The following TNS1 variants were observed in gnomAD, a reference collection of about 807,000 sequenced individuals.
TNS1 encodes tensin 1.
Under a neutral mutation model 168.6 loss-of-function variants are expected in TNS1, and 62 were observed. The ratio of observed to expected loss-of-function variants is 0.37; its 90% CI spans 0.30 to 0.45. The LOEUF (loss-of-function observed/expected upper bound fraction) is 0.45, where lower values mean the gene tolerates loss of function less well. Among genes scored for constraint, TNS1 ranks in the 20% least tolerant of loss-of-function variants. The probability of loss-of-function intolerance (pLI) is 1.00; values close to 1 mark genes in which losing one functional copy is unlikely to be tolerated. For missense variants in TNS1, 2,240 were observed against 2,339.4 expected (o/e 0.96, Z 0.88); for synonymous variants, 934 against 933.2 (o/e 1.00, Z -0.02).
intron 23 of TNS1, 80 bp downstream of exon 23, chr2:217,821,660 G>C: frequency 7.5e-7 from 1 of 1,333,194 alleles, no homozygotes; most frequent in Non-Finnish European, 9.8e-7. Context: ...ATAGGCAACA[G>C]ATCCAGGAGG....
chr2:217,860,826 A>G (rs967292307), intron 18 of TNS1, among the ~76,000 whole-genome samples: 23 of 152,222 alleles, frequency 1.5e-4, no homozygotes, highest in African/African-American at 5.1e-4. Context: ...CAGTCTGACC[A>G]TACTTTGGAA....
chr2:218,027,509 G>A (rs1216550295), intron 1 of TNS1, among the ~76,000 whole-genome samples: 1 of 152,012 alleles, frequency 6.6e-6, no homozygotes, highest in Non-Finnish European at 1.5e-5. Context: ...TTAAGAACTT[G>A]TTCAAAGTGT....
At chr2:217,974,570 G>A (rs989486761) in intron 3 of TNS1, among the ~76,000 whole-genome samples, 3 of 152,130 alleles carry the variant, frequency 2.0e-5, no homozygotes, top group African/African-American at 7.2e-5. Context: ...ACTATGAGCC[G>A]GCACCGAGGC....
rs1019829820 is a variant in TNS1, at chr2:217,847,637, G to C, written c.2880C>G (p.Pro960=). The C allele has an allele frequency of 6.3e-6, 10 of 1,585,520 alleles. No individual in the cohort carries two copies. The African/African-American group carries it at 9.4e-5, about 15-fold the overall frequency. The change falls in exon 19 of 33, where the codon CCC becomes CCG. Residue 960 remains proline (P), a synonymous_variant. Coordinates refer to ENST00000682258, the MANE Select transcript of TNS1 (RefSeq NM_001387777.1). The part of the protein sequence containing the change: ...TTHSPPGPQQ[P]PASLPGLTAQ... ...CAGTGAGGCCAGGGAGAGAGGCTGG[G>C]GGTTGCTGAGGCCCTGGAGGGCTGT...
At chr2:217,957,007 G>A (rs1282278517) in intron 3 of TNS1, among the ~76,000 whole-genome samples, 1 of 152,226 alleles carries the variant, frequency 6.6e-6, no homozygotes, top group African/African-American at 2.4e-5. Context: ...ACCCAAGCTT[G>A]ACAGCAGCTC....
chr2:217,969,101 T>C (rs974516973), intron 3 of TNS1, among the ~76,000 whole-genome samples: 1 of 152,172 alleles, frequency 6.6e-6, no homozygotes, highest in Admixed American at 6.5e-5. Flanking sequence ...GACAGGCTGA[T>C]CCTAAAATTT....
rs1016767246 is a variant in TNS1 at position 217,813,412 on chromosome 2, G to A, written c.4862-105C>T. The A allele has an allele frequency of 1.9e-6, 2 of 1,056,168 alleles. No homozygotes were observed. Among genetic ancestry groups the A allele is most frequent in the Middle Eastern group, 2.0e-4 (1 of 4,946 alleles). The allele number at this position is 1,056,168 out of a possible 1,614,324, so 65.4% of individuals were successfully genotyped here. The stretch of plus-strand genomic sequence containing the variant: ...TCCGCAGTGTGCGGGGCCAAGATGG[G>A]AGAAATGACTGAAGAGAGAACGTGG... On this transcript the variant is annotated intron_variant, in intron 26 of 32. Coordinates refer to ENST00000682258, the MANE Select transcript of TNS1 (RefSeq NM_001387777.1). This position sits in a 1 kb window ranked among gnomAD's most constrained non-coding sequence, Gnocchi z 4.0.
At chr2:217,914,082 C>G (rs1191184932) in intron 4 of TNS1, among the ~76,000 whole-genome samples, 1 of 152,164 alleles carries the variant, frequency 6.6e-6, no homozygotes, top group Admixed American at 6.5e-5. Flanking sequence ...CCCTCCTTCC[C>G]TCCTCTCTTC....
intron 18 of TNS1, chr2:217,850,112 A>G: frequency 1.0e-6 from 1 of 985,370 alleles, no homozygotes; most frequent in South Asian, 4.7e-5. Context: ...AGACTCCAGG[A>G]AAGGGACGCG....
At chr2:217,862,071 C>A (rs1346478989) in intron 18 of TNS1, among the ~76,000 whole-genome samples, 1 of 152,132 alleles carries the variant, frequency 6.6e-6, no homozygotes, top group Non-Finnish European at 1.5e-5. Flanking sequence ...TGATTACTGC[C>A]AATGGTGTGC....
At chr2:217,879,116 G>C (rs1950457590) in intron 18 of TNS1, among the ~76,000 whole-genome samples, 1 of 152,168 alleles carries the variant, frequency 6.6e-6, no homozygotes, top group Admixed American at 6.5e-5. Context: ...CTGACCGTCT[G>C]CTCTTCTTCC....
intron 22 of TNS1, among the ~76,000 whole-genome samples, chr2:217,829,013 G>T (rs1273326412): frequency 6.6e-6 from 1 of 152,152 alleles, no homozygotes; most frequent in South Asian, 2.1e-4. Context: ...AGAGCTACTG[G>T]CATCTAGCAG....
chr2:217,848,528 G>C lies in TNS1; in HGVS notation c.1989C>G (p.Ser663=), dbSNP rs1359468599. ...ACTTGTCCAGACCGTTGGTCAGTGGGGACAGGGCCTCTGGGTAGCCCCCCT... is the reference window on the plus strand; with the variant it reads ...ACTTGTCCAGACCGTTGGTCAGTGGCGACAGGGCCTCTGGGTAGCCCCCCT... ...TSEGGYPEAL[S]PLTNGLDKSY... The change falls in exon 19 of 33, where the codon TCC becomes TCG. Residue 663 remains serine, a synonymous_variant. Transcript: ENST00000682258. The C allele has an allele frequency of 1.2e-6, 2 of 1,613,856 alleles. No individual in the cohort carries two copies. Among genetic ancestry groups the C allele is most frequent in the Admixed American group, 1.7e-5 (1 of 60,002 alleles).
Position 217,920,351 on chromosome 2 carries a change from C to T in TNS1, c.187-115G>A, listed in dbSNP as rs58334549. The T allele has an allele frequency of 4.4e-3, 2,976 of 677,910 alleles. 65 individuals are homozygous for T. In the African/African-American group the frequency reaches 0.047, roughly 11 times the overall value. 42.0% of individuals were successfully genotyped at this position (677,910 alleles called of 1,614,324 possible). On this transcript the variant is annotated intron_variant, in intron 3 of 32. Transcript: ENST00000682258. Reference sequence around the variant, plus strand: ...CTTCATTCCCTCACACGGGCTGACACCTTCTGGGTTGAGAGTTCTTCAGCA... The same window carrying T: ...CTTCATTCCCTCACACGGGCTGACATCTTCTGGGTTGAGAGTTCTTCAGCA...
At chr2:218,028,457 C>T (rs1339316378) in intron 1 of TNS1, among the ~76,000 whole-genome samples, 2 of 152,212 alleles carry the variant, frequency 1.3e-5, no homozygotes, top group Admixed American at 1.3e-4. Flanking sequence ...ACCATTCATC[C>T]AGCCATCCCT....
chr2:217,888,417 C>T (rs1951420904), intron 12 of TNS1, among the ~76,000 whole-genome samples: 1 of 152,164 alleles, frequency 6.6e-6, no homozygotes, highest in African/African-American at 2.4e-5. Flanking sequence ...GGTGACCCAT[C>T]CACAAGCAGA....
intron 30 of TNS1, among the ~76,000 whole-genome samples, chr2:217,809,040 G>A (rs989190380): frequency 1.6e-4 from 25 of 152,224 alleles, no homozygotes; most frequent in Admixed American, 1.6e-3. Flanking sequence ...TGTATTTACA[G>A]CCGTATACCC....
intron 18 of TNS1, among the ~76,000 whole-genome samples, chr2:217,876,008 T>G (rs1305057467): frequency 6.6e-6 from 1 of 152,212 alleles, no homozygotes; most frequent in Non-Finnish European, 1.5e-5. Context: ...TGAGTCACCC[T>G]GTCCTTTATC....
chr2:217,835,995 G>T lies in TNS1; in HGVS notation c.3204+20C>A, dbSNP rs1945113325. ...GCACCACTACCCTCCATAGCCCCAA[G>T]ATACAGCTTAAGGACTCACCTCTTT... On this transcript the variant is annotated intron_variant, in intron 20 of 32. Coordinates refer to ENST00000682258, the MANE Select transcript of TNS1 (RefSeq NM_001387777.1). 1 of 1,601,400 alleles carries T rather than the reference G, an allele frequency of 6.2e-7. No homozygotes were observed. The highest frequency in any genetic ancestry group is 8.5e-7 in the Non-Finnish European group (1 of 1,171,026).
Sources: gnomAD v4.1 joint callset for allele counts (sites outside exome capture counted in the v4.1 genomes callset) on GRCh38, gnomAD v4.1.1 for gene constraint, Gnocchi (gnomAD v3.1) non-coding constraint, MANE v1.5 for transcripts, NCBI Gene and HGNC (gene_info 2026-07-23, HGNC 2026-07-21) for gene names.